The following TTC7B variants were observed in gnomAD, a reference collection of about 807,000 sequenced individuals.
TTC7B encodes the protein tetratricopeptide repeat domain 7B.
TTC7B carries 28 observed loss-of-function variants against 106.8 expected under a neutral mutation model. The observed-to-expected ratio is 0.26, with a 90% CI of 0.19 to 0.36. The LOEUF is 0.36. Ranked by LOEUF, TTC7B falls within the 10% of genes least tolerant of loss-of-function variation. The pLI, the probability that TTC7B is intolerant of heterozygous loss-of-function variation, is 1.00. For synonymous variants in TTC7B, 405 were observed against 430.6 expected (o/e 0.94, Z 0.74); for missense variants, 862 against 1,076.4 (o/e 0.80, Z 2.79).
intron 5 of TTC7B, among the ~76,000 whole-genome samples, chr14:90,722,350 C>A (rs930504920): frequency 6.6e-6 from 1 of 152,146 alleles, no homozygotes; most frequent in Non-Finnish European, 1.5e-5. Flanking sequence ...TAAAATGAAC[C>A]TGATCCTACT....
In TTC7B at chr14:90,701,798, A is replaced by G. The variant is rs755285426; in HGVS notation, c.699-6220T>C. Among the ~76,000 whole-genome samples the G allele has an allele frequency of 3.9e-3, 159 of 40,426 alleles. 1 individual carries two copies. The highest frequency in any genetic ancestry group is 6.5e-3 in the East Asian group (13 of 2,006). The allele number at this position is 40,426 out of a possible 152,430, so 26.5% of individuals were successfully genotyped here. A position where few individuals can be genotyped will look rare whatever the true frequency, so the allele number is the denominator to read the frequency against. On this transcript the variant is annotated intron_variant, in intron 5 of 19. Coordinates refer to ENST00000328459, the MANE Select transcript of TTC7B (RefSeq NM_001010854.2). Reference sequence around the variant, plus strand: ...TATATGTATATGTGTGTGTGTGTGTATATATATATATATATATATATATGG... The same window carrying G: ...TATATGTATATGTGTGTGTGTGTGTGTATATATATATATATATATATATGG...
intron 18 of TTC7B, among the ~76,000 whole-genome samples, chr14:90,587,834 G>A (rs893210318): frequency 2.0e-5 from 3 of 152,122 alleles, no homozygotes; most frequent in African/African-American, 7.2e-5. Flanking sequence ...ACACTGCTTG[G>A]GTTTAGATTG....
chr14:90,785,665 C>T (rs1891361904), intron 2 of TTC7B, among the ~76,000 whole-genome samples: 1 of 152,186 alleles, frequency 6.6e-6, no homozygotes, highest in Non-Finnish European at 1.5e-5. Context: ...CCTAAGATTC[C>T]TTGTGCCTGA....
Position 90,541,090 on chromosome 14 carries a change from G to A in TTC7B, c.*278C>T, listed in dbSNP as rs1889557033. 2 of 394,146 alleles carry A rather than the reference G, an allele frequency of 5.1e-6. No homozygotes were observed. The highest frequency in any genetic ancestry group is 9.0e-6 in the Non-Finnish European group (2 of 222,328). The allele number at this position is 394,146 out of a possible 1,614,324, so 24.4% of individuals were successfully genotyped here. On this transcript the variant is annotated 3_prime_UTR_variant, in exon 20 of 20. Coordinates refer to ENST00000328459, the MANE Select transcript of TTC7B (RefSeq NM_001010854.2). ...TGATTAATTCCATAATCATTTTACT[G>A]AAAACTCAGATGTCAACTAACAAAA... is the stretch of plus-strand genomic sequence containing the variant.
intron 7 of TTC7B, 131 bp downstream of exon 7, chr14:90,689,409 G>A (rs965135963): frequency 1.3e-6 from 1 of 790,804 alleles, no homozygotes; most frequent in African/African-American, 1.7e-5. Flanking sequence ...CTACTAAACT[G>A]GAAAATGACA....
Position 90,702,337 on chromosome 14 carries a change from G to C in TTC7B, c.699-6759C>G, listed in dbSNP as rs557364899. On this transcript the variant is annotated intron_variant, in intron 5 of 19. Coordinates refer to ENST00000328459, the MANE Select transcript of TTC7B (RefSeq NM_001010854.2). ...CCTCACTGTTGTAAGAATTAAACTAGTCAGTAACAACTGTACCCACCTCAT... is the reference window on the plus strand; with the variant it reads ...CCTCACTGTTGTAAGAATTAAACTACTCAGTAACAACTGTACCCACCTCAT... Among the ~76,000 whole-genome samples the C allele has an allele frequency of 9.9e-5, 15 of 152,200 alleles. No homozygotes were observed. The East Asian group carries it at 2.9e-3, about 29-fold the overall frequency.
intron 1 of TTC7B, among the ~76,000 whole-genome samples, chr14:90,794,267 G>A (rs11625772): frequency 0.14 from 19,062 of 138,936 alleles, 1,507 homozygotes; most frequent in Non-Finnish European, 0.18. Flanking sequence ...TCACCAGGCC[G>A]GAGTGCTGGA....
intron 1 of TTC7B, among the ~76,000 whole-genome samples, chr14:90,809,315 G>A (rs929923749): frequency 3.3e-5 from 5 of 152,238 alleles, no homozygotes; most frequent in Non-Finnish European, 5.9e-5. Flanking sequence ...GTTCCCTGAC[G>A]TCTCATTGGT....
intron 3 of TTC7B, among the ~76,000 whole-genome samples, chr14:90,763,678 A>G (rs571312777): frequency 3.3e-5 from 5 of 152,334 alleles, no homozygotes; most frequent in African/African-American, 1.2e-4. Context: ...ATACAAGATT[A>G]ATAAACAAAA....
chr14:90,607,729 T>A (rs977175837), intron 17 of TTC7B, among the ~76,000 whole-genome samples: 1 of 152,200 alleles, frequency 6.6e-6, no homozygotes, highest in Non-Finnish European at 1.5e-5. Context: ...GAATACTATA[T>A]GGCTGTAAAC....
At position 90,532,634 on chromosome 14, in the gene TTC7B, C is replaced by T. The variant is rs556101949; in HGVS notation, c.*8734G>A. The T allele has an allele frequency of 6.6e-6, 1 of 152,266 alleles. No homozygotes were observed. Among genetic ancestry groups the T allele is most frequent in the Non-Finnish European group, 1.5e-5 (1 of 68,062 alleles). 9.4% of individuals were successfully genotyped at this position (152,266 alleles called of 1,614,324 possible). ...ACTTCAAATTTGCTCTAATCATCTG[C>T]CAAGCTGGTAATTATCTTATTTGTT... On this transcript the variant is annotated 3_prime_UTR_variant, in exon 20 of 20. Transcript: ENST00000328459.
Position 90,527,449 on chromosome 14 carries a change from C to T in TTC7B, c.*13919G>A, listed in dbSNP as rs1889172668. The T allele has an allele frequency of 6.6e-6, 1 of 152,146 alleles. No homozygotes were observed. The highest frequency in any genetic ancestry group is 1.5e-5 in the Non-Finnish European group (1 of 68,046). The allele number at this position is 152,146 out of a possible 1,614,324, so 9.4% of individuals were successfully genotyped here. On this transcript the variant is annotated 3_prime_UTR_variant, in exon 20 of 20. Transcript: ENST00000328459. ...TCCCTCTGGTAGAAGTCCTAATAATCTCTAAACTTAGCAAATTCGCAGTTA... is the reference window on the plus strand; with the variant it reads ...TCCCTCTGGTAGAAGTCCTAATAATTTCTAAACTTAGCAAATTCGCAGTTA...
At chr14:90,699,507 A>G (rs1236839973) in intron 5 of TTC7B, 1 of 308,124 alleles carries the variant, frequency 3.2e-6, no homozygotes, top group Non-Finnish European at 6.3e-6. Flanking sequence ...TAAATTCAAT[A>G]TCACCTGTCA....
At chr14:90,783,809 C>T (rs981738976) in intron 2 of TTC7B, among the ~76,000 whole-genome samples, 7 of 151,954 alleles carry the variant, frequency 4.6e-5, no homozygotes, top group Non-Finnish European at 8.8e-5. Flanking sequence ...TGGTGGCATG[C>T]GGCTGTAGTC....
chr14:90,805,648 G>C lies in TTC7B; in HGVS notation c.121+10527C>G, dbSNP rs561363931. Among the ~76,000 whole-genome samples, 19 of 152,236 alleles carry C rather than the reference G, an allele frequency of 1.2e-4. No individual in the cohort carries two copies. The highest frequency in any genetic ancestry group is 4.1e-4 in the African/African-American group (17 of 41,512). On this transcript the variant is annotated intron_variant, in intron 1 of 19. Coordinates refer to ENST00000328459, the MANE Select transcript of TTC7B (RefSeq NM_001010854.2). The surrounding 1 kb of genome is among the most constrained non-coding windows in gnomAD (Gnocchi z 4.0). ...CCAGAGCTGGCTTCGCTTTTCCCTC[G>C]GGCATTATTTGGGGTTTAAGTGAGG...
intron 9 of TTC7B, among the ~76,000 whole-genome samples, chr14:90,668,067 A>G (rs1886479715): frequency 6.6e-6 from 1 of 151,860 alleles, no homozygotes; most frequent in South Asian, 2.1e-4. Context: ...CTCTGTTGTA[A>G]TACTTCCCTT....
At chr14:90,756,130 C>T (rs368105015) in intron 3 of TTC7B, among the ~76,000 whole-genome samples, 74 of 152,258 alleles carry the variant, frequency 4.9e-4, no homozygotes, top group Middle Eastern at 6.8e-3. Flanking sequence ...GGGGACTCAT[C>T]ACTGGTGTGA....
chr14:90,692,920 T>G (rs1398999622), intron 6 of TTC7B, among the ~76,000 whole-genome samples: 2 of 150,108 alleles, frequency 1.3e-5, no homozygotes, highest in African/African-American at 2.4e-5. Flanking sequence ...GATGGCAGGG[T>G]GTGTGTGTGT....
At chr14:90,618,365 G>A (rs573479178) in intron 15 of TTC7B, among the ~76,000 whole-genome samples, 1 of 152,344 alleles carries the variant, frequency 6.6e-6, no homozygotes, top group East Asian at 1.9e-4. Flanking sequence ...CAATTTATTT[G>A]TGAAACCTCA....
Sources: allele counts gnomAD v4.1 joint callset (sites outside exome capture counted in the v4.1 genomes callset), GRCh38; gene constraint gnomAD v4.1.1; non-coding constraint Gnocchi (gnomAD v3.1); transcripts MANE v1.5; gene names NCBI Gene and HGNC (gene_info 2026-07-23, HGNC 2026-07-21).